The following ZNF577 variants were observed in gnomAD, a reference collection of about 807,000 sequenced individuals.
ZNF577 encodes zinc finger protein 577.
A neutral mutation model predicts 13.9 loss-of-function variants in ZNF577; 14 were observed. The ratio of observed to expected loss-of-function variants is 1.00; its 90% confidence interval spans 0.66 to 1.57. ZNF577 has a LOEUF of 1.57. ZNF577 is among the 40% of genes most tolerant of loss of function. The pLI, the probability that ZNF577 is intolerant of heterozygous loss-of-function variation, is 0.00. For synonymous variants in ZNF577, 203 were observed against 202.9 expected (o/e 1.00, Z 0.00); for missense variants, 555 against 579.2 (o/e 0.96, Z 0.43).
At chr19:51,863,941 C>T (rs531662995), downstream of ZNF577, among the ~76,000 whole-genome samples, 2 of 152,186 alleles carry the variant, frequency 1.3e-5, no homozygotes, top group South Asian at 2.1e-4. Context: ...TAAACAAAAA[C>T]GTTTAGGCCG....
chr19:51,857,285 G>A (rs745937160), intron 5 of ZNF577, among the ~76,000 whole-genome samples: 17 of 150,682 alleles, frequency 1.1e-4, no homozygotes, highest in Admixed American at 3.3e-4. Context: ...GCGACAAAGC[G>A]AGACTCCATC....
intron 4 of ZNF577, 92 bp downstream of exon 4, chr19:51,878,297 A>C (rs1488194118): frequency 1.5e-6 from 2 of 1,347,138 alleles, no homozygotes; most frequent in Non-Finnish European, 2.0e-6. Context: ...ATAACATATA[A>C]TACTTTAGTC....
intron 10 of ZNF577, among the ~76,000 whole-genome samples, chr19:51,808,851 G>A (rs1040292054): frequency 1.5e-4 from 23 of 152,096 alleles, no homozygotes; most frequent in African/African-American, 5.1e-4. Context: ...TTATGTGTCC[G>A]GCATCCCATT....
At chr19:51,848,968 A>T (rs373303685) in intron 5 of ZNF577, among the ~76,000 whole-genome samples, 3 of 152,202 alleles carry the variant, frequency 2.0e-5, no homozygotes, top group Non-Finnish European at 1.5e-5. Flanking sequence ...TTTTTGATGT[A>T]TGTAGTTCTA....
rs1282100516 is a variant in ZNF577, at chr19:51,871,684, C to T, written c.*848G>A. On this transcript the variant is annotated 3_prime_UTR_variant, in exon 6 of 6. Coordinates refer to ENST00000638348, the MANE Select transcript of ZNF577 (RefSeq NM_001370449.1). ...TATCTGGGTTTTCACAGTGTAATCA[C>T]AAGGGTCCTCAAACATGGAAGAGGG... 1 of 152,044 alleles carries T rather than the reference C, an allele frequency of 6.6e-6. No homozygotes were observed. The highest frequency in any genetic ancestry group is 1.5e-5 in the Non-Finnish European group (1 of 68,028). 9.4% of individuals were successfully genotyped at this position (152,044 alleles called of 1,614,324 possible). A position where few individuals can be genotyped will look rare whatever the true frequency, so the allele number is the denominator to read the frequency against.
chr19:51,880,188 C>T lies in ZNF577; in HGVS notation c.60+135G>A, dbSNP rs1599876325. ...TTTGGCATTACTCCTTAGCTTACCC[C>T]ACTAAACAACAGGAAAAAGCCATAG... On this transcript the variant is annotated intron_variant, in intron 3 of 5. Transcript: ENST00000638348. 5.4e-6 allele frequency: 5 copies of T among 929,438 alleles called. No individual in the cohort carries two copies. In the Admixed American group the frequency reaches 9.8e-5, roughly 18 times the overall value. 57.6% of individuals were successfully genotyped at this position (929,438 alleles called of 1,614,324 possible).
At chr19:51,816,279 C>G (rs777008835) in intron 9 of ZNF577, among the ~76,000 whole-genome samples, 1 of 152,208 alleles carries the variant, frequency 6.6e-6, no homozygotes, top group African/African-American at 2.4e-5. Flanking sequence ...CAGAATCTCA[C>G]TCTATTGCCC....
In ZNF577 at chr19:51,873,336, T is replaced by A. The variant is rs1420660382; in HGVS notation, c.654A>T (p.Glu218Asp). 2 of 1,614,150 alleles carry A rather than the reference T, an allele frequency of 1.2e-6. No individual in the cohort carries two copies. Among genetic ancestry groups the A allele is most frequent in the Non-Finnish European group, 1.7e-6 (2 of 1,180,012 alleles). Residue 218 changes from glutamate (E) to aspartate (D), a missense_variant, in exon 6 of 6, where the codon GAA (glutamate) becomes GAT (aspartate). Glu to Asp is a conservative substitution (Grantham distance 45). Transcript: ENST00000638348. Reference protein sequence around the residue: ...HTGEKPHECSECGKAFSRKSQ... With the variant: ...HTGEKPHECSDCGKAFSRKSQ... ...ACTTTCTGGAGAAGGCTTTTCCACA[T>A]TCACTACATTCATGGGGCTTCTCTC...
chr19:51,873,510 G>A lies in ZNF577; in HGVS notation c.480C>T (p.Cys160=). The change falls in exon 6 of 6, where the codon TGC becomes TGT. Residue 160 remains cysteine (C), a synonymous_variant. Coordinates refer to ENST00000638348, the MANE Select transcript of ZNF577 (RefSeq NM_001370449.1). ...KICAGGKPHE[C]SVCGRAFSRK... ...TGGAGAAGGCTCTCCCGCACACACTGCATTCATGTGGTTTCCCTCCTGCAC... is the reference window on the plus strand; with the variant it reads ...TGGAGAAGGCTCTCCCGCACACACTACATTCATGTGGTTTCCCTCCTGCAC... The A allele has an allele frequency of 6.2e-7, 1 of 1,614,166 alleles. No individual in the cohort carries two copies. The highest frequency in any genetic ancestry group is 1.1e-5 in the South Asian group (1 of 91,086).
In ZNF577 at chr19:51,814,489, T is replaced by TGTTC. The variant is rs1008724465; in HGVS notation, c.*600-2816_*600-2815insGAAC. ...CTCACCTCTCAAGGTTTTTGTTTTT[T>TGTTC]GTTTGTTTTGTTTTTTTGTTTTGAG... On this transcript the variant is annotated intron_variant and NMD_transcript_variant, in intron 9 of 10. Coordinates refer to the ZNF577 transcript ENST00000638827. Among the ~76,000 whole-genome samples, 28 of 151,574 alleles carry TGTTC rather than the reference T, an allele frequency of 1.8e-4. 1 individual carries two copies. The highest frequency in any genetic ancestry group is 6.8e-4 in the African/African-American group (28 of 41,254).
downstream of ZNF577, among the ~76,000 whole-genome samples, chr19:51,865,684 T>TTGCCC (rs1315821907): frequency 6.6e-6 from 1 of 152,200 alleles, no homozygotes; most frequent in East Asian, 1.9e-4. Flanking sequence ...TTCCAAGTCT[T>TTGCCC]TGCCCTGTTA....
At chr19:51,882,479 T>TAA (rs58821740) in intron 1 of ZNF577, among the ~76,000 whole-genome samples, 21 of 128,294 alleles carry the variant, frequency 1.6e-4, no homozygotes, top group Admixed American at 2.3e-4. Flanking sequence ...CAGTATCCAA[T>TAA]AAAAAAAAAA....
chr19:51,882,792 AC>A (rs1242029409), intron 1 of ZNF577, among the ~76,000 whole-genome samples: 3 of 151,928 alleles, frequency 2.0e-5, no homozygotes, highest in African/African-American at 7.3e-5. Context: ...CTCAAAAAAA[AC>A]AAAAGGCAAA....
intron 5 of ZNF577, among the ~76,000 whole-genome samples, chr19:51,849,608 A>G (rs1428656592): frequency 6.6e-6 from 1 of 152,204 alleles, no homozygotes; most frequent in Non-Finnish European, 1.5e-5. Flanking sequence ...TAAATTATCC[A>G]GTCTCAAGCA....
chr19:51,840,149 TCTA>T (rs2084312524), intron 8 of ZNF577: 1 of 152,206 alleles, frequency 6.6e-6, no homozygotes, highest in African/African-American at 2.4e-5. Context: ...CAGCTGATCT[TCTA>T]CTGTCCTTTT....
At chr19:51,835,454 A>T (rs2084283224) in intron 9 of ZNF577, among the ~76,000 whole-genome samples, 1 of 152,022 alleles carries the variant, frequency 6.6e-6, no homozygotes, top group Non-Finnish European at 1.5e-5. Context: ...TCACCTGTGA[A>T]TTCTACTGAA....
Position 51,868,643 on chromosome 19 carries a change from G to A in ZNF577, c.*3889C>T, listed in dbSNP as rs768020046. Among the ~76,000 whole-genome samples, 8 of 152,104 alleles carry A rather than the reference G, an allele frequency of 5.3e-5. No individual in the cohort carries two copies. The highest frequency in any genetic ancestry group is 3.2e-3 in the Middle Eastern group (1 of 316). ...GCCTACAGAAGCCCCAGCAAGCACCGGCTAAGGTTCTGACTACTACCGTCT... is the reference window on the plus strand; with the variant it reads ...GCCTACAGAAGCCCCAGCAAGCACCAGCTAAGGTTCTGACTACTACCGTCT... On this transcript the variant is annotated 3_prime_UTR_variant, in exon 6 of 6. Transcript: ENST00000638348.
In ZNF577 at chr19:51,873,703, A is replaced by C. The variant is rs1263646528; in HGVS notation, c.287T>G (p.Phe96Cys). The C allele has an allele frequency of 6.3e-7, 1 of 1,599,052 alleles. No homozygotes were observed. Among genetic ancestry groups the C allele is most frequent in the Non-Finnish European group, 8.5e-7 (1 of 1,172,612 alleles). Residue 96 changes from phenylalanine (F) to cysteine (C), a missense_variant, in exon 6 of 6, where the codon TTT (phenylalanine) becomes TGT (cysteine). Phe to Cys is a radical substitution (Grantham distance 205). Coordinates refer to ENST00000638348, the MANE Select transcript of ZNF577 (RefSeq NM_001370449.1). ...GAAHSQICPG[F>C]VIQSRRYAGK... The stretch of plus-strand genomic sequence containing the variant: ...TGCATATCTTCTACTCTGGATTACA[A>C]AACCTAAATGAGATTTCAAACTTTT...
At chr19:51,837,402 G>T (rs1192557253) in intron 9 of ZNF577, among the ~76,000 whole-genome samples, 1 of 152,166 alleles carries the variant, frequency 6.6e-6, no homozygotes, top group African/African-American at 2.4e-5. Flanking sequence ...TGGTTTCCAA[G>T]CCCCAAAATT....
Sources: gnomAD v4.1 joint callset for allele counts (sites outside exome capture counted in the v4.1 genomes callset) on GRCh38, gnomAD v4.1.1 for gene constraint, MANE v1.5 for transcripts, NCBI Gene and HGNC (gene_info 2026-07-23, HGNC 2026-07-21) for gene names.